The following ZNF892 variants were observed in gnomAD, a reference collection of about 807,000 sequenced individuals.
The protein encoded by ZNF892 is zinc finger protein 570-like.
At chr2:95,227,276 C>T in the ZNF892 span, among the ~76,000 whole-genome samples, 1 of 152,032 alleles carries the variant, frequency 6.6e-6, no homozygotes, top group Non-Finnish European at 1.5e-5. Context: ...CATTTTACTA[C>T]TCATGTCCTG....
the ZNF892 span, among the ~76,000 whole-genome samples, chr2:95,242,903 G>A: frequency 1.3e-5 from 2 of 152,080 alleles, no homozygotes; most frequent in Admixed American, 6.6e-5. Context: ...ATGCCCAGCC[G>A]AACCTGGACT....
the ZNF892 span, among the ~76,000 whole-genome samples, chr2:95,255,006 T>C: frequency 6.6e-6 from 1 of 152,222 alleles, no homozygotes; most frequent in East Asian, 1.9e-4. Flanking sequence ...TCTATCAATT[T>C]TGTTGATCTT....
At chr2:95,249,451 G>A in the ZNF892 span, among the ~76,000 whole-genome samples, 3 of 147,856 alleles carry the variant, frequency 2.0e-5, no homozygotes, top group African/African-American at 5.0e-5. Flanking sequence ...GTTTCACCAT[G>A]TTGGTCAGGC....
the ZNF892 span, among the ~76,000 whole-genome samples, chr2:95,252,557 T>C: frequency 6.6e-6 from 1 of 152,302 alleles, no homozygotes; most frequent in Non-Finnish European, 1.5e-5. Context: ...CGTGTGCATG[T>C]TTCTTTATAG....
At chr2:95,207,677 G>T in the ZNF892 span, 1 of 396,892 alleles carries the variant, frequency 2.5e-6, no homozygotes, top group Non-Finnish European at 4.4e-6. Context: ...CGGGAGGAGG[G>T]TGGCGGGAGG....
At chr2:95,227,107 CCCCTCCCT>C in the ZNF892 span, among the ~76,000 whole-genome samples, 4 of 126,946 alleles carry the variant, frequency 3.2e-5, no homozygotes, top group East Asian at 8.3e-4. Flanking sequence ...TCCCTCCCCT[CCCCTCCCT>C]CCCTCCCTCC....
At chr2:95,214,435 A>G in the ZNF892 span, 255 of 398,524 alleles carry the variant, frequency 6.4e-4, no homozygotes, top group African/African-American at 4.9e-3. Context: ...TTTTCAAAGG[A>G]AAGTTCTAGT....
At chr2:95,255,515 G>A in the ZNF892 span, among the ~76,000 whole-genome samples, 2 of 152,046 alleles carry the variant, frequency 1.3e-5, no homozygotes, top group Admixed American at 1.3e-4. Flanking sequence ...GGTCAATTTT[G>A]GAATAGGTGT....
At chr2:95,221,468 G>A in the ZNF892 span, among the ~76,000 whole-genome samples, 1 of 152,024 alleles carries the variant, frequency 6.6e-6, no homozygotes, top group South Asian at 2.1e-4. Context: ...CTCCATCTCT[G>A]GGGGAGTTTG....
chr2:95,210,056 A>C, the ZNF892 span, among the ~76,000 whole-genome samples: 1 of 151,528 alleles, frequency 6.6e-6, no homozygotes, highest in Non-Finnish European at 1.5e-5. Context: ...AAACAAAATT[A>C]ACCGTTCGAT....
chr2:95,245,336 C>T, the ZNF892 span, among the ~76,000 whole-genome samples: 13 of 148,774 alleles, frequency 8.7e-5, no homozygotes, highest in African/African-American at 2.2e-4. Flanking sequence ...CTGCAAGCTC[C>T]GCCTCACGGG....
At chr2:95,214,294 A>C in the ZNF892 span, 1 of 398,254 alleles carries the variant, frequency 2.5e-6, no homozygotes, top group South Asian at 1.3e-4. Flanking sequence ...TTTTTCTCTC[A>C]GTGTAGGAAA....
the ZNF892 span, among the ~76,000 whole-genome samples, chr2:95,215,940 A>G: frequency 3.3e-5 from 5 of 152,210 alleles, no homozygotes; most frequent in South Asian, 2.1e-4. Context: ...TACTAACAAT[A>G]TAAGTTTTAA....
chr2:95,245,154 T>G, the ZNF892 span, among the ~76,000 whole-genome samples: 1 of 150,488 alleles, frequency 6.6e-6, no homozygotes, highest in South Asian at 2.1e-4. Flanking sequence ...GCAAACAAAC[T>G]GCAGAAGACA....
At chr2:95,240,630 G>T in the ZNF892 span, among the ~76,000 whole-genome samples, 114 of 152,288 alleles carry the variant, frequency 7.5e-4, 1 homozygote, top group Middle Eastern at 0.014. Flanking sequence ...TCTAGAAAGG[G>T]TGCTGAATCC....
the ZNF892 span, among the ~76,000 whole-genome samples, chr2:95,210,314 C>T: frequency 0.013 from 2,040 of 151,422 alleles, 19 homozygotes; most frequent in African/African-American, 0.03. Context: ...GTTTAAAGAG[C>T]GGTAAAACTG....
the ZNF892 span, among the ~76,000 whole-genome samples, chr2:95,223,533 G>A: frequency 6.6e-6 from 1 of 151,898 alleles, no homozygotes; most frequent in African/African-American, 2.4e-5. Flanking sequence ...CGAGTAGCTG[G>A]GATTACAGGC....
At chr2:95,218,955 G>A in the ZNF892 span, among the ~76,000 whole-genome samples, 1 of 152,118 alleles carries the variant, frequency 6.6e-6, no homozygotes, top group African/African-American at 2.4e-5. Flanking sequence ...GGGTCGTGGG[G>A]ACATAGTTCA....
the ZNF892 span, chr2:95,207,449 C>G: frequency 5.3e-6 from 1 of 189,116 alleles, no homozygotes; most frequent in African/African-American, 2.3e-5. Flanking sequence ...CAGGTGGCCG[C>G]AGGGTCCTCT....
Sources: gnomAD v4.1 joint callset for allele counts (sites outside exome capture counted in the v4.1 genomes callset) on GRCh38, gnomAD v4.1.1 for gene constraint, MANE v1.5 for transcripts, NCBI Gene and HGNC (gene_info 2026-07-23, HGNC 2026-07-21) for gene names.